PRMT3: variants seen among roughly 807,000 people sequenced by gnomAD.
The protein encoded by PRMT3 is protein arginine N-methyltransferase 3.
A neutral mutation model predicts 71.9 loss-of-function variants in PRMT3; 62 were observed. That is an observed-to-expected ratio of 0.86 (90% CI 0.70 to 1.07). The LOEUF is 1.07. Among genes scored for constraint, PRMT3 ranks in the 50% least tolerant of loss-of-function variants. PRMT3 has a pLI of 0.00. For synonymous variants in PRMT3, 213 were observed against 220.4 expected, an observed-to-expected ratio of 0.97 and a Z score of 0.30; for missense variants, 663 against 643.0, an observed-to-expected ratio of 1.03 and a Z score of -0.34.
At chr11:20,413,716 A>G (rs531010013) in intron 9 of PRMT3, among the ~76,000 whole-genome samples, 1 of 152,000 alleles carries the variant, frequency 6.6e-6, no homozygotes, top group South Asian at 2.1e-4. Context: ...CTATTTCACA[A>G]TCTCTATTCT....
intron 11 of PRMT3, among the ~76,000 whole-genome samples, chr11:20,455,962 G>A (rs753917292): frequency 7.2e-5 from 11 of 152,048 alleles, no homozygotes; most frequent in Non-Finnish European, 1.3e-4. Context: ...GGAAACATAG[G>A]TTTATAAACT....
chr11:20,426,672 A>G lies in PRMT3; in HGVS notation c.894-94A>G, dbSNP rs990511909. 7.3e-6 allele frequency: 9 copies of G among 1,232,874 alleles called. No homozygotes were observed. The African/African-American group carries it at 1.4e-4, about 20-fold the overall frequency. The allele number at this position is 1,232,874 out of a possible 1,614,324, so 76.4% of individuals were successfully genotyped here. On this transcript the variant is annotated intron_variant, in intron 9 of 15. Coordinates refer to ENST00000331079, the MANE Select transcript of PRMT3 (RefSeq NM_005788.4). Reference sequence around the variant, plus strand: ...TTTGATTGAAATACTTTTTTGTCCCACAAAACAATACGAGTTGTTGGCAAA... The same window carrying G: ...TTTGATTGAAATACTTTTTTGTCCCGCAAAACAATACGAGTTGTTGGCAAA...
chr11:20,425,564 T>A (rs1274399041), intron 9 of PRMT3, among the ~76,000 whole-genome samples: 1 of 152,146 alleles, frequency 6.6e-6, no homozygotes, highest in African/African-American at 2.4e-5. Flanking sequence ...TACTCAGCAG[T>A]AGCAAGGAAC....
intron 13 of PRMT3, among the ~76,000 whole-genome samples, chr11:20,468,582 T>A (rs1022047511): frequency 6.6e-6 from 1 of 152,192 alleles, no homozygotes; most frequent in South Asian, 2.1e-4. Context: ...TTGGCTGTGC[T>A]GGTCTCAAAC....
At chr11:20,418,582 C>G (rs1194958008) in intron 9 of PRMT3, among the ~76,000 whole-genome samples, 1 of 152,102 alleles carries the variant, frequency 6.6e-6, no homozygotes, top group Non-Finnish European at 1.5e-5. Context: ...GAACACAGAT[C>G]TTGTTTCGGC....
intron 13 of PRMT3, among the ~76,000 whole-genome samples, chr11:20,492,877 T>G (rs1340215613): frequency 1.3e-5 from 2 of 152,144 alleles, no homozygotes; most frequent in Non-Finnish European, 2.9e-5. Context: ...ACCAACATGG[T>G]GAAACCCCAT....
chr11:20,453,902 T>A (rs1355879993), intron 11 of PRMT3, among the ~76,000 whole-genome samples: 2 of 152,292 alleles, frequency 1.3e-5, no homozygotes, highest in African/African-American at 4.8e-5. Flanking sequence ...CAGTGAGCAT[T>A]TCCTTTGGGT....
intron 8 of PRMT3, chr11:20,406,777 G>A (rs1048792601): frequency 1.3e-5 from 2 of 151,954 alleles, no homozygotes; most frequent in African/African-American, 2.4e-5. Context: ...AGTGCACAAG[G>A]GTTCCAATTT....
chr11:20,491,487 A>G (rs1590107095), intron 13 of PRMT3, among the ~76,000 whole-genome samples: 2 of 152,350 alleles, frequency 1.3e-5, no homozygotes, highest in Admixed American at 1.3e-4. Context: ...AGTCAAGCCC[A>G]GTTAAAATCA....
Position 20,452,181 on chromosome 11 carries a change from A to C in PRMT3, c.1045A>C (p.Asn349His). ...SMLDSVLYAKNKYLAKGGSVY... is the reference protein window; with the variant it reads ...SMLDSVLYAKHKYLAKGGSVY... ...GTTAGATTCTGTCCTTTATGCAAAG[A>C]ACAAATACTTGGCAAAAGGAGGCTC... Residue 349 changes from asparagine to histidine, a missense_variant, in exon 11 of 16, where the codon AAC becomes CAC. By Grantham distance (68) the Asn-to-His change is moderately conservative (BLOSUM62 1). Transcript: ENST00000331079. The C allele has an allele frequency of 6.2e-7, 1 of 1,610,664 alleles. No homozygotes were observed. The highest frequency in any genetic ancestry group is 8.5e-7 in the Non-Finnish European group (1 of 1,177,252).
intron 3 of PRMT3, among the ~76,000 whole-genome samples, chr11:20,390,408 A>G (rs1306666640): frequency 6.6e-6 from 1 of 152,218 alleles, no homozygotes; most frequent in African/African-American, 2.4e-5. Context: ...GTGATTACAT[A>G]TTAGATTTAG....
intron 9 of PRMT3, among the ~76,000 whole-genome samples, chr11:20,419,016 T>G (rs1230436260): frequency 6.6e-6 from 1 of 152,220 alleles, no homozygotes; most frequent in African/African-American, 2.4e-5. Context: ...TACATGTGCC[T>G]TGGTGCACAC....
intron 13 of PRMT3, among the ~76,000 whole-genome samples, chr11:20,479,847 G>C (rs998873004): frequency 1.3e-5 from 2 of 152,090 alleles, no homozygotes; most frequent in Non-Finnish European, 2.9e-5. Context: ...TACACACACA[G>C]AAATATGTTG....
intron 15 of PRMT3, among the ~76,000 whole-genome samples, chr11:20,496,274 C>T (rs911532260): frequency 6.6e-6 from 1 of 151,922 alleles, no homozygotes; most frequent in Non-Finnish European, 1.5e-5. Flanking sequence ...ACATTGAAGC[C>T]GGGCATGGTG....
At chr11:20,402,074 A>T (rs994040522) in intron 7 of PRMT3, among the ~76,000 whole-genome samples, 3 of 151,952 alleles carry the variant, frequency 2.0e-5, no homozygotes, top group African/African-American at 7.3e-5. Context: ...TGTAGCTGCA[A>T]TGTTTACATT....
At chr11:20,441,356 AGTG>A (rs966253128) in intron 10 of PRMT3, among the ~76,000 whole-genome samples, 1 of 151,312 alleles carries the variant, frequency 6.6e-6, no homozygotes, top group African/African-American at 2.4e-5. Context: ...CCCAGGCTGG[AGTG>A]CAGTGGCGCA....
chr11:20,462,959 G>A (rs1459487240), intron 12 of PRMT3, among the ~76,000 whole-genome samples: 6 of 151,666 alleles, frequency 4.0e-5, no homozygotes, highest in African/African-American at 7.3e-5. Context: ...TCCGCCTCCC[G>A]TGTTCAAGCG....
intron 15 of PRMT3, among the ~76,000 whole-genome samples, chr11:20,496,308 C>CT (rs1281776915): frequency 6.6e-6 from 1 of 151,978 alleles, no homozygotes; most frequent in Non-Finnish European, 1.5e-5. Context: ...GTCCCTGCTA[C>CT]TTAGGAGGCT....
rs963256895 is a variant in PRMT3, at chr11:20,391,019, C to T, written c.248-1192C>T. On this transcript the variant is annotated intron_variant, in intron 3 of 15. Transcript: ENST00000331079. ...GAGCTAAGATCATGCCACTGCACTACAGCCTGGGTGACAGACTGAGACGCC... is the reference window on the plus strand; with the variant it reads ...GAGCTAAGATCATGCCACTGCACTATAGCCTGGGTGACAGACTGAGACGCC... Among the ~76,000 whole-genome samples, 17 of 149,966 alleles carry T rather than the reference C, an allele frequency of 1.1e-4. 1 individual carries two copies. The highest frequency in any genetic ancestry group is 2.7e-4 in the Admixed American group (4 of 15,072).
Sources: gnomAD v4.1 joint callset for allele counts (sites outside exome capture counted in the v4.1 genomes callset) on GRCh38, gnomAD v4.1.1 for gene constraint, MANE v1.5 for transcripts, NCBI Gene and HGNC (gene_info 2026-07-23, HGNC 2026-07-21) for gene names.